NBAS: variants seen among roughly 807,000 people sequenced by gnomAD.
NBAS encodes the protein NAG/BC035112 fusion.
A neutral mutation model predicts 302.5 loss-of-function variants in NBAS; 219 were observed. The ratio of observed to expected loss-of-function variants is 0.72; its 90% CI spans 0.65 to 0.81. NBAS has a LOEUF of 0.81. Ranked by LOEUF, NBAS falls within the 30% of genes least tolerant of loss-of-function variation. The pLI, the probability that NBAS is intolerant of heterozygous loss-of-function variation, is 0.00. For missense variants in NBAS, 2,932 were observed against 2,841.6 expected, an observed-to-expected ratio of 1.03 and a Z score of -0.72; for synonymous variants, 1,118 against 1,021.6, an observed-to-expected ratio of 1.09 and a Z score of -1.80.
At chr2:14,998,590 C>G in the NBAS span, among the ~76,000 whole-genome samples, 1 of 152,188 alleles carries the variant, frequency 6.6e-6, no homozygotes, top group South Asian at 2.1e-4. Flanking sequence ...AACAGTAAAT[C>G]CAGTATCAGG....
At chr2:15,233,034 C>T (rs1450760935) in intron 46 of NBAS, among the ~76,000 whole-genome samples, 2 of 150,892 alleles carry the variant, frequency 1.3e-5, no homozygotes, top group Non-Finnish European at 3.0e-5. Flanking sequence ...TCTGAAAATG[C>T]AACAGAGAAA....
chr2:15,164,333 G>A (rs1044218882), downstream of NBAS, among the ~76,000 whole-genome samples: 30 of 152,250 alleles, frequency 2.0e-4, no homozygotes, highest in African/African-American at 7.0e-4. Flanking sequence ...GATGACTTAA[G>A]TTAACACGGC....
At chr2:15,175,454 G>A (rs895989149) in intron 51 of NBAS, among the ~76,000 whole-genome samples, 2 of 152,178 alleles carry the variant, frequency 1.3e-5, no homozygotes, top group African/African-American at 4.8e-5. Flanking sequence ...TTATAAATAC[G>A]TATCTGCTTA....
chr2:15,366,766 A>T, intron 31 of NBAS, 73 bp from the exon 32 acceptor site: 1 of 1,339,426 alleles, frequency 7.5e-7, no homozygotes, highest in Non-Finnish European at 1.1e-6. Context: ...TTCCTAATGC[A>T]AGGCATCCAA....
intron 35 of NBAS, among the ~76,000 whole-genome samples, chr2:15,349,239 A>G (rs950617893): frequency 4.6e-5 from 7 of 152,202 alleles, no homozygotes; most frequent in African/African-American, 1.7e-4. Flanking sequence ...ACTTCAGATA[A>G]AGATCTCATG....
At chr2:15,441,784 T>C (rs1485347656) in intron 21 of NBAS, among the ~76,000 whole-genome samples, 3 of 152,040 alleles carry the variant, frequency 2.0e-5, no homozygotes, top group Admixed American at 6.5e-5. Context: ...GAGACAAACA[T>C]AGGCTCAAAA....
chr2:14,800,098 A>T, the NBAS span, among the ~76,000 whole-genome samples: 1 of 152,014 alleles, frequency 6.6e-6, no homozygotes, highest in African/African-American at 2.4e-5. Context: ...ATGGTATTTG[A>T]TTTAGTTTCA....
the NBAS span, among the ~76,000 whole-genome samples, chr2:14,903,933 C>T: frequency 2.6e-5 from 4 of 152,116 alleles, no homozygotes; most frequent in African/African-American, 9.7e-5. Flanking sequence ...AAAGAGGAGA[C>T]CCAGGAGAAG....
Position 15,167,372 on chromosome 2 carries a change from G to A in NBAS, c.6841-49C>T, listed in dbSNP as rs528993237. 1.0e-4 allele frequency: 161 copies of A among 1,605,060 alleles called. 1 individual carries two copies. The South Asian group carries it at 1.4e-3, about 14-fold the overall frequency. On this transcript the variant is annotated intron_variant, in intron 51 of 51. Coordinates refer to ENST00000281513, the MANE Select transcript of NBAS (RefSeq NM_015909.4). ...GCGTGAGGGGGTGTTTGCTTTGTTC[G>A]CCTCCCCCTTGGATCCCTCGCTCTC...
chr2:14,869,528 G>T, the NBAS span, among the ~76,000 whole-genome samples: 137 of 152,078 alleles, frequency 9.0e-4, 3 homozygotes, highest in East Asian at 0.024. Context: ...GTTTTTTAAT[G>T]AGACCAACCA....
At chr2:15,535,614 C>A (rs1171371098) in intron 8 of NBAS, among the ~76,000 whole-genome samples, 1 of 151,540 alleles carries the variant, frequency 6.6e-6, no homozygotes, top group East Asian at 1.9e-4. Flanking sequence ...ATAACCCACA[C>A]ATATCCTCCT....
the NBAS span, among the ~76,000 whole-genome samples, chr2:15,157,285 C>A: frequency 6.6e-6 from 1 of 152,168 alleles, no homozygotes; most frequent in East Asian, 1.9e-4. Context: ...TTCCCTAGGA[C>A]CCACAAGGTG....
intron 51 of NBAS, among the ~76,000 whole-genome samples, chr2:15,171,681 G>A (rs1044783133): frequency 7.2e-5 from 11 of 152,092 alleles, no homozygotes; most frequent in Non-Finnish European, 1.6e-4. Flanking sequence ...TTCGTATGTC[G>A]AAGCCCTTAC....
chr2:15,513,862 T>C (rs1028979483), intron 9 of NBAS, among the ~76,000 whole-genome samples: 1 of 151,652 alleles, frequency 6.6e-6, no homozygotes. Context: ...CATAGGTACC[T>C]ACAGTCTCAG....
chr2:15,231,046 AGT>A (rs1270286098), intron 47 of NBAS, among the ~76,000 whole-genome samples: 1 of 152,158 alleles, frequency 6.6e-6, no homozygotes, highest in Non-Finnish European at 1.5e-5. Flanking sequence ...TCTATAGCAC[AGT>A]GACTATGGCT....
the NBAS span, among the ~76,000 whole-genome samples, chr2:15,116,573 G>T: frequency 6.6e-6 from 1 of 152,178 alleles, no homozygotes; most frequent in African/African-American, 2.4e-5. Context: ...GGGAGGCAGG[G>T]CCTCAACATG....
chr2:15,068,563 T>C, the NBAS span, among the ~76,000 whole-genome samples: 2 of 150,992 alleles, frequency 1.3e-5, no homozygotes, highest in East Asian at 2.0e-4. Flanking sequence ...GCAGAGACAA[T>C]GTCTTAATCA....
chr2:15,326,257 G>A, intron 38 of NBAS, among the ~76,000 whole-genome samples: 1 of 152,176 alleles, frequency 6.6e-6, no homozygotes, highest in East Asian at 1.9e-4. Context: ...GCTTGACATA[G>A]CGTTGCCATA....
chr2:15,424,003 G>A (rs548480580), intron 23 of NBAS, among the ~76,000 whole-genome samples: 11 of 152,350 alleles, frequency 7.2e-5, no homozygotes, highest in African/African-American at 2.2e-4. Flanking sequence ...GAATTTGTAT[G>A]TAGACACGAT....
Sources: gnomAD v4.1 joint callset for allele counts (sites outside exome capture counted in the v4.1 genomes callset) on GRCh38, gnomAD v4.1.1 for gene constraint, MANE v1.5 for transcripts, NCBI Gene and HGNC (gene_info 2026-07-23, HGNC 2026-07-21) for gene names.